The following SDK2 variants were observed in gnomAD, a reference collection of about 807,000 sequenced individuals.
SDK2 encodes the protein sidekick cell adhesion molecule 2.
SDK2 carries 105 observed loss-of-function variants against 253.9 expected under a neutral mutation model. The observed-to-expected ratio is 0.41, with a 90% CI of 0.35 to 0.49. The LOEUF is 0.49. SDK2 is among the 20% of genes least tolerant of loss of function. The pLI is 0.06. For missense variants in SDK2, 2,608 were observed against 3,003.0 expected (o/e 0.87, Z 3.07); for synonymous variants, 1,249 against 1,234.9 (o/e 1.01, Z -0.24).
intron 1 of SDK2, among the ~76,000 whole-genome samples, chr17:73,523,398 G>A (rs879559813): frequency 9.2e-5 from 14 of 151,920 alleles, no homozygotes; most frequent in African/African-American, 2.2e-4. Flanking sequence ...CTGGATACCC[G>A]TGGTTGTGAT....
chr17:73,502,084 T>TACACACACAC (rs5821971), intron 2 of SDK2, among the ~76,000 whole-genome samples: 23 of 26,540 alleles, frequency 8.7e-4, no homozygotes, highest in African/African-American at 2.5e-3. Flanking sequence ...GTAGTGCACA[T>TACACACACAC]ACACACACAC....
chr17:73,441,464 G>C (rs1367409276), intron 5 of SDK2, among the ~76,000 whole-genome samples: 1 of 152,172 alleles, frequency 6.6e-6, no homozygotes, highest in Non-Finnish European at 1.5e-5. Context: ...TTGGATCAGG[G>C]TGGGCTCAAG....
rs573969647 is a variant in SDK2 at position 73,444,217 on chromosome 17, C to T, written c.614-3294G>A. On this transcript the variant is annotated intron_variant, in intron 5 of 44. Transcript: ENST00000392650. The stretch of plus-strand genomic sequence containing the variant: ...GAGGTGGGAGTCGCAGGCTCGGGGA[C>T]GCACATTAAGCCCTGCAGGGTACCG... Among the ~76,000 whole-genome samples, 17 of 152,236 alleles carry T rather than the reference C, an allele frequency of 1.1e-4. 1 individual carries two copies. The highest frequency in any genetic ancestry group is 3.9e-4 in the East Asian group (2 of 5,180).
At chr17:73,595,199 G>A (rs925591284) in intron 1 of SDK2, among the ~76,000 whole-genome samples, 9 of 144,114 alleles carry the variant, frequency 6.2e-5, no homozygotes, top group African/African-American at 2.4e-4. Flanking sequence ...TGTGGGTGAA[G>A]GTGAGGAGGA....
Position 73,534,275 on chromosome 17 carries a change from G to A in SDK2, c.65-26678C>T, listed in dbSNP as rs898897722. ...AGGATCAAAAAGCAGATGCAAGAGCGGGTCCGCTGCTGGGGGAAGGGGAGT... is the reference window on the plus strand; with the variant it reads ...AGGATCAAAAAGCAGATGCAAGAGCAGGTCCGCTGCTGGGGGAAGGGGAGT... On this transcript the variant is annotated intron_variant, in intron 1 of 44. Transcript: ENST00000392650. The surrounding 1 kb of genome is among the most constrained non-coding windows in gnomAD (Gnocchi z 4.9). Among the ~76,000 whole-genome samples the A allele has an allele frequency of 6.6e-6, 1 of 152,226 alleles. No individual in the cohort carries two copies. Among genetic ancestry groups the A allele is most frequent in the African/African-American group, 2.4e-5 (1 of 41,462 alleles).
intron 1 of SDK2, among the ~76,000 whole-genome samples, chr17:73,634,408 TA>T (rs2046305944): frequency 3.9e-5 from 6 of 152,234 alleles, no homozygotes; most frequent in Admixed American, 3.3e-4. Flanking sequence ...ACAATGTTAA[TA>T]ACATTAATAC....
chr17:73,533,411 A>G (rs950484671), intron 1 of SDK2, among the ~76,000 whole-genome samples: 4 of 152,232 alleles, frequency 2.6e-5, no homozygotes, highest in African/African-American at 9.6e-5. Flanking sequence ...CTGTCTGGTC[A>G]TTGGGCAGTG....
chr17:73,549,901 T>A (rs1163326382), intron 1 of SDK2, among the ~76,000 whole-genome samples: 1 of 152,018 alleles, frequency 6.6e-6, no homozygotes, highest in East Asian at 1.9e-4. Flanking sequence ...GAACGCCAAG[T>A]GGGACCTGGT....
At chr17:73,583,983 C>A (rs1031909244) in intron 1 of SDK2, among the ~76,000 whole-genome samples, 2 of 152,220 alleles carry the variant, frequency 1.3e-5, no homozygotes, top group Admixed American at 1.3e-4. Context: ...CGGAGCCCAC[C>A]TGGAATGGTT....
chr17:73,405,584 G>A (rs1324487749), intron 18 of SDK2, among the ~76,000 whole-genome samples: 1 of 145,246 alleles, frequency 6.9e-6, no homozygotes, highest in Non-Finnish European at 1.5e-5. Context: ...ATTTATGTAT[G>A]CATGTACAGC....
chr17:73,437,325 G>A (rs2063378030), intron 8 of SDK2, among the ~76,000 whole-genome samples: 1 of 152,146 alleles, frequency 6.6e-6, no homozygotes, highest in Admixed American at 6.5e-5. Context: ...GAATAGCGGA[G>A]GGAGCTGGCA....
At position 73,643,513 on chromosome 17, in the gene SDK2, G is replaced by A. The variant is rs2046424447; in HGVS notation, c.64+512C>T. On this transcript the variant is annotated intron_variant, in intron 1 of 44. Coordinates refer to ENST00000392650, the MANE Select transcript of SDK2 (RefSeq NM_001144952.2). This position sits in a 1 kb window ranked among gnomAD's most constrained non-coding sequence, Gnocchi z 6.9. Reference sequence around the variant, plus strand: ...GCGGGCTCCCGTACGTGGCCAAGCCGGGCAATTGCTCTCCCCGGGCGAGCA... The same window carrying A: ...GCGGGCTCCCGTACGTGGCCAAGCCAGGCAATTGCTCTCCCCGGGCGAGCA... Among the ~76,000 whole-genome samples, 1 of 152,080 alleles carries A rather than the reference G, an allele frequency of 6.6e-6. No homozygotes were observed. The highest frequency in any genetic ancestry group is 6.5e-5 in the Admixed American group (1 of 15,284).
In SDK2 at chr17:73,357,078, C is replaced by T. The variant is rs1183766105; in HGVS notation, c.5593+1001G>A. On this transcript the variant is annotated intron_variant, in intron 40 of 44. Coordinates refer to ENST00000392650, the MANE Select transcript of SDK2 (RefSeq NM_001144952.2). ...TCTGGAGTGGGGAGAGAGCCAGCCC[C>T]GCATGCATCCTCCGGCCACACAGCA... Among the ~76,000 whole-genome samples the T allele has an allele frequency of 4.6e-5, 7 of 152,224 alleles. No homozygotes were observed. In the South Asian group the frequency reaches 8.3e-4, roughly 18 times the overall value.
chr17:73,430,717 C>T (rs1397428009), intron 11 of SDK2, 104 bp from the exon 12 acceptor site: 4 of 707,106 alleles, frequency 5.7e-6, no homozygotes, highest in Middle Eastern at 2.6e-4. Flanking sequence ...TTAAAAAGAA[C>T]AATGAGCTCC....
At chr17:73,356,442 C>G (rs936159777) in intron 40 of SDK2, among the ~76,000 whole-genome samples, 2 of 152,138 alleles carry the variant, frequency 1.3e-5, no homozygotes, top group African/African-American at 4.8e-5. Context: ...CCTGGGCGAA[C>G]CTCTCCCTGG....
At chr17:73,458,043 A>G (rs2063540087) in intron 3 of SDK2, among the ~76,000 whole-genome samples, 1 of 152,142 alleles carries the variant, frequency 6.6e-6, no homozygotes, top group African/African-American at 2.4e-5. Context: ...CAGTGGAGTG[A>G]TCATGGCTCA....
rs746868582 is a variant in SDK2 at position 73,387,933 on chromosome 17, G to A, written c.4297C>T (p.Arg1433Cys). 4 of 1,584,966 alleles carry A rather than the reference G, an allele frequency of 2.5e-6. No homozygotes were observed. Among genetic ancestry groups the A allele is most frequent in the South Asian group, 1.2e-5 (1 of 86,590 alleles). The part of the protein sequence containing the change: ...EPGSDGLSPV[R>C]YYTIQTRELP... ...TCGCGGGTCTGGATGGTGTAGTAGC[G>A]CACAGGGGAGAGCCCGTCGCTCCCT... Residue 1433 changes from arginine (R) to cysteine (C), a missense_variant, in exon 30 of 45, where the codon CGC becomes TGC. By Grantham distance (180) the Arg-to-Cys change is radical (BLOSUM62 -3). This residue lies in a region of SDK2 where 1,103 missense variants were observed against 1,143.9 expected (regional missense o/e 0.96). Transcript: ENST00000392650.
Position 73,390,454 on chromosome 17 carries a change from G to A in SDK2, c.4025C>T (p.Thr1342Ile). ...LAYQITHRLN[T>I]TTANTATVEV... ...CACAGTGGCGGTGTTGGCCGTGGTGGTGTTGAGCCGGTGTGTGATCTGGTA... is the reference window on the plus strand; with the variant it reads ...CACAGTGGCGGTGTTGGCCGTGGTGATGTTGAGCCGGTGTGTGATCTGGTA... The change falls in exon 29 of 45, where the codon ACC becomes ATC. Residue 1342 changes from threonine to isoleucine, a missense_variant. By Grantham distance (89) the Thr-to-Ile change is moderately conservative. This residue lies in a region of SDK2 where 1,103 missense variants were observed against 1,143.9 expected (regional missense o/e 0.96). Coordinates refer to ENST00000392650, the MANE Select transcript of SDK2 (RefSeq NM_001144952.2). 6.2e-7 allele frequency: 1 copy of A among 1,612,728 alleles called. No homozygotes were observed. Among genetic ancestry groups the A allele is most frequent in the Non-Finnish European group, 8.5e-7 (1 of 1,179,326 alleles).
At chr17:73,364,110 C>T (rs1194237418) in intron 38 of SDK2, among the ~76,000 whole-genome samples, 1 of 152,144 alleles carries the variant, frequency 6.6e-6, no homozygotes, top group Non-Finnish European at 1.5e-5. Context: ...ACACCCCCAG[C>T]ACCTGGCTGG....
Sources: gnomAD v4.1 joint callset for allele counts (sites outside exome capture counted in the v4.1 genomes callset) on GRCh38, gnomAD v4.1.1 for gene constraint, gnomAD v4.1.1 regional missense constraint, Gnocchi (gnomAD v3.1) non-coding constraint, MANE v1.5 for transcripts, NCBI Gene and HGNC (gene_info 2026-07-23, HGNC 2026-07-21) for gene names.